KIAA1217: variants seen among roughly 807,000 people sequenced by gnomAD.
The protein encoded by KIAA1217 is sickle tail protein homolog.
In KIAA1217, 88 loss-of-function variants were observed where a neutral mutation model predicts 163.9. The ratio of observed to expected loss-of-function variants is 0.54; its 90% confidence interval spans 0.45 to 0.64. KIAA1217 has a LOEUF of 0.64. Ranked by LOEUF, KIAA1217 falls within the 30% of genes least tolerant of loss-of-function variation. The pLI is 0.00. For missense variants in KIAA1217, 2,372 were observed against 2,475.0 expected (o/e 0.96, Z 0.88); for synonymous variants, 903 against 923.1 (o/e 0.98, Z 0.39).
chr10:24,007,834 A>G (rs1013537483), intron 2 of KIAA1217, among the ~76,000 whole-genome samples: 5 of 152,164 alleles, frequency 3.3e-5, no homozygotes, highest in Admixed American at 3.3e-4. Context: ...GGGTCAGTCC[A>G]ATTATATGAT....
chr10:24,315,654 G>A (rs2043254401), intron 2 of KIAA1217, among the ~76,000 whole-genome samples: 1 of 152,084 alleles, frequency 6.6e-6, no homozygotes. Flanking sequence ...GCTGAGGCAA[G>A]AGGATGGCTT....
chr10:23,936,903 G>T (rs60492541), intron 1 of KIAA1217, among the ~76,000 whole-genome samples: 2 of 151,740 alleles, frequency 1.3e-5, no homozygotes, highest in Non-Finnish European at 1.5e-5. Context: ...TTTTTTGACA[G>T]TGTTTCTCTT....
At chr10:23,946,486 T>C (rs1844053997) in intron 1 of KIAA1217, among the ~76,000 whole-genome samples, 1 of 152,148 alleles carries the variant, frequency 6.6e-6, no homozygotes, top group Non-Finnish European at 1.5e-5. Flanking sequence ...TACACAGCCA[T>C]TCTAGAGTTT....
chr10:24,001,050 A>G (rs11013842), intron 1 of KIAA1217, among the ~76,000 whole-genome samples: 55,910 of 150,862 alleles, frequency 0.37, 10,814 homozygotes, highest in Middle Eastern at 0.56. Context: ...ATTGCAGAAT[A>G]GGGCCAGACT....
intron 2 of KIAA1217, among the ~76,000 whole-genome samples, chr10:24,281,765 G>A (rs992030251): frequency 6.6e-6 from 1 of 151,806 alleles, no homozygotes; most frequent in Admixed American, 6.6e-5. Context: ...ATCATATCAA[G>A]AGTAACAATA....
At chr10:23,933,650 A>G (rs1843347867) in intron 1 of KIAA1217, among the ~76,000 whole-genome samples, 1 of 152,194 alleles carries the variant, frequency 6.6e-6, no homozygotes, top group African/African-American at 2.4e-5. Flanking sequence ...CCATCTAACA[A>G]AGGTCTAATA....
chr10:24,171,718 C>T (rs1472001185), intron 2 of KIAA1217, among the ~76,000 whole-genome samples: 3 of 151,930 alleles, frequency 2.0e-5, no homozygotes, highest in Admixed American at 6.6e-5. Flanking sequence ...ACCTGGGAGG[C>T]GGAGGTTGCA....
intron 1 of KIAA1217, among the ~76,000 whole-genome samples, chr10:23,709,363 A>G (rs7900296): frequency 0.031 from 4,785 of 151,988 alleles, 228 homozygotes; most frequent in African/African-American, 0.11. Flanking sequence ...GTCTTTATAA[A>G]ATAGTTTTTT....
chr10:24,324,333 A>G (rs1817674135), intron 2 of KIAA1217, among the ~76,000 whole-genome samples: 1 of 152,148 alleles, frequency 6.6e-6, no homozygotes, highest in Non-Finnish European at 1.5e-5. Flanking sequence ...TCGGGAGGCC[A>G]AGGTGGGTGG....
chr10:23,696,301 G>A (rs1836037264), intron 1 of KIAA1217, among the ~76,000 whole-genome samples: 1 of 152,216 alleles, frequency 6.6e-6, no homozygotes, highest in Non-Finnish European at 1.5e-5. Context: ...TCTCACCTGG[G>A]GAGGGTTCTC....
At chr10:24,097,606 T>G (rs796989374) in intron 2 of KIAA1217, among the ~76,000 whole-genome samples, 23 of 152,150 alleles carry the variant, frequency 1.5e-4, no homozygotes, top group African/African-American at 5.5e-4. Flanking sequence ...CTGGAAATTT[T>G]TTAAATAGTA....
intron 2 of KIAA1217, among the ~76,000 whole-genome samples, chr10:24,037,951 T>C (rs1477991555): frequency 6.6e-6 from 1 of 152,254 alleles, no homozygotes; most frequent in Non-Finnish European, 1.5e-5. Context: ...ACAAATTTTA[T>C]CTTAGTAGTG....
At chr10:24,302,414 T>G (rs2041476885) in intron 2 of KIAA1217, among the ~76,000 whole-genome samples, 1 of 152,214 alleles carries the variant, frequency 6.6e-6, no homozygotes, top group Admixed American at 6.5e-5. Context: ...AAGTTATTGC[T>G]GTCAGGTGCA....
chr10:24,188,093 A>T (rs1393035944), intron 2 of KIAA1217, among the ~76,000 whole-genome samples: 2 of 152,160 alleles, frequency 1.3e-5, no homozygotes, highest in Non-Finnish European at 2.9e-5. Context: ...GCTACTCAGG[A>T]GGCTGAGTCA....
rs183968122 is a variant in KIAA1217, at chr10:24,501,788, C to G, written c.2001+243C>G. On this transcript the variant is annotated intron_variant, in intron 9 of 20. Transcript: ENST00000376454. ...TTTTGAGACGTAGTCTCGCTTTGTC[C>G]CCCAGGCTGGAGTGCAGTGGCGCGA... 1.9e-3 allele frequency among the ~76,000 whole-genome samples: 216 copies of G among 111,862 alleles called. 7 individuals carry two copies. The East Asian group carries it at 0.055, about 28-fold the overall frequency. 73.4% of individuals were successfully genotyped at this position (111,862 alleles called of 152,430 possible).
chr10:24,464,990 A>G (rs1161934792), intron 5 of KIAA1217, among the ~76,000 whole-genome samples: 2 of 152,198 alleles, frequency 1.3e-5, no homozygotes, highest in African/African-American at 4.8e-5. Flanking sequence ...ACCTCACGCC[A>G]TAAGACAGGG....
intron 1 of KIAA1217, among the ~76,000 whole-genome samples, chr10:23,702,708 C>CACAT (rs1836546929): frequency 6.8e-6 from 1 of 148,038 alleles, no homozygotes; most frequent in Non-Finnish European, 1.5e-5. Flanking sequence ...CACACACACA[C>CACAT]AAATATATTG....
At chr10:24,196,136 A>AACAC (rs66954103) in intron 2 of KIAA1217, among the ~76,000 whole-genome samples, 68 of 144,316 alleles carry the variant, frequency 4.7e-4, no homozygotes, top group East Asian at 1.2e-3. Flanking sequence ...CCTGTCTCAA[A>AACAC]ACACACACAC....
intron 2 of KIAA1217, among the ~76,000 whole-genome samples, chr10:24,297,284 T>C (rs1411780504): frequency 6.6e-6 from 1 of 152,178 alleles, no homozygotes; most frequent in African/African-American, 2.4e-5. Context: ...CTGACTACAT[T>C]TGTGTTTAAT....
Sources: gnomAD v4.1 joint callset for allele counts (sites outside exome capture counted in the v4.1 genomes callset) on GRCh38, gnomAD v4.1.1 for gene constraint, MANE v1.5 for transcripts, NCBI Gene and HGNC (gene_info 2026-07-23, HGNC 2026-07-21) for gene names.